SPART: variants seen among roughly 807,000 people sequenced by gnomAD.
The protein encoded by SPART is spastic paraplegia 20 (Troyer syndrome).
Under a neutral mutation model 58.7 loss-of-function variants are expected in SPART, and 35 were observed. The ratio of observed to expected loss-of-function variants is 0.60; its 90% CI spans 0.46 to 0.79. SPART has a LOEUF of 0.79. Among genes scored for constraint, SPART ranks in the 30% least tolerant of loss-of-function variants. The probability of loss-of-function intolerance (pLI) is 0.00; values close to 1 mark genes in which losing one functional copy is unlikely to be tolerated. For missense variants in SPART, 730 were observed against 786.1 expected (o/e 0.93, Z 0.85); for synonymous variants, 284 against 280.7 (o/e 1.01, Z -0.12).
chr13:36,304,549 T>C lies in SPART; in HGVS notation c.1817A>G (p.Asn606Ser). Residue 606 changes from asparagine (N) to serine (S), a missense_variant, in exon 9 of 9, where the codon AAC (asparagine) becomes AGC (serine). Physicochemically the swap from Asn to Ser is conservative, Grantham distance 46. Coordinates refer to ENST00000438666, the MANE Select transcript of SPART (RefSeq NM_015087.5). ...NVGVTAYNIN[N>S]IGIKAMVKKT... ...CTTCACCATTGCTTTGATACCAATG[T>C]TGTTAATATTGTAGGCAGTTACGCC... 2 of 1,614,124 alleles carry C rather than the reference T, an allele frequency of 1.2e-6. No individual in the cohort carries two copies. Among genetic ancestry groups the C allele is most frequent in the South Asian group, 1.1e-5 (1 of 91,080 alleles).
intron 5 of SPART, among the ~76,000 whole-genome samples, chr13:36,321,076 G>C (rs1474079848): frequency 6.6e-6 from 1 of 152,106 alleles, no homozygotes; most frequent in Non-Finnish European, 1.5e-5. Context: ...AATGCTACAG[G>C]GTACAGCCCA....
chr13:36,308,794 A>G (rs772578375), intron 8 of SPART, among the ~76,000 whole-genome samples: 8 of 152,224 alleles, frequency 5.3e-5, no homozygotes, highest in Non-Finnish European at 1.0e-4. Flanking sequence ...TTTTCTAATT[A>G]TGACTGATCC....
At chr13:36,367,330 C>A (rs1452305499) in intron 1 of SPART, among the ~76,000 whole-genome samples, 1 of 152,142 alleles carries the variant, frequency 6.6e-6, no homozygotes, top group Non-Finnish European at 1.5e-5. Flanking sequence ...AATCATGGCA[C>A]CCTGCACTTG....
chr13:36,346,037 C>G (rs1165770210), intron 1 of SPART, among the ~76,000 whole-genome samples, 188 bp downstream of exon 1: 1 of 152,220 alleles, frequency 6.6e-6, no homozygotes, highest in East Asian at 1.9e-4. Context: ...ACTTCTCAAA[C>G]TATTCTCTCT....
intron 5 of SPART, among the ~76,000 whole-genome samples, chr13:36,319,069 T>G (rs1260715990): frequency 2.0e-5 from 3 of 152,188 alleles, no homozygotes; most frequent in African/African-American, 4.8e-5. Context: ...CCTGTTTCCC[T>G]TGCCTCCATA....
chr13:36,344,601 T>C (rs1306320972), intron 1 of SPART, among the ~76,000 whole-genome samples: 4 of 152,206 alleles, frequency 2.6e-5, no homozygotes, highest in African/African-American at 9.7e-5. Context: ...TTTTATTTTG[T>C]GACTGGGATT....
upstream of SPART, among the ~76,000 whole-genome samples, chr13:36,347,314 G>A (rs1885209805): frequency 6.6e-6 from 1 of 152,088 alleles, no homozygotes; most frequent in Admixed American, 6.6e-5. Context: ...TGCTTCCCAG[G>A]TTCAAGCGAC....
At chr13:36,311,806 C>T (rs561615961) in intron 8 of SPART, among the ~76,000 whole-genome samples, 9 of 152,144 alleles carry the variant, frequency 5.9e-5, no homozygotes, top group African/African-American at 1.2e-4. Flanking sequence ...AGATTTAGTC[C>T]GCCAGGCATG....
chr13:36,319,387 A>T (rs1882116787), intron 5 of SPART, among the ~76,000 whole-genome samples: 1 of 147,602 alleles, frequency 6.8e-6, no homozygotes, highest in Non-Finnish European at 1.5e-5. Flanking sequence ...TGCACCCCTT[A>T]CCATCTCATT....
intron 1 of SPART, among the ~76,000 whole-genome samples, chr13:36,339,627 C>CAA (rs71084420): frequency 0.087 from 3,365 of 38,894 alleles, 408 homozygotes; most frequent in Middle Eastern, 0.15. Context: ...ACGACTCCAT[C>CAA]AAAAAAAAAA....
chr13:36,356,918 T>G (rs1425168869), intron 1 of SPART, among the ~76,000 whole-genome samples: 2 of 83,800 alleles, frequency 2.4e-5, no homozygotes, highest in Non-Finnish European at 5.7e-5. Context: ...TTAAAAGTGC[T>G]TTATTTCAAG....
intron 5 of SPART, among the ~76,000 whole-genome samples, chr13:36,317,540 T>G (rs1177903578): frequency 6.6e-6 from 1 of 151,412 alleles, no homozygotes; most frequent in East Asian, 2.0e-4. Flanking sequence ...ACCCCTTATT[T>G]CCATGCCCTG....
intron 8 of SPART, among the ~76,000 whole-genome samples, chr13:36,308,924 T>G (rs894931223): frequency 2.0e-5 from 3 of 152,148 alleles, no homozygotes; most frequent in African/African-American, 7.2e-5. Context: ...AGATCTATTG[T>G]ATGTTTTATC....
chr13:36,347,742 C>T (rs779972909), upstream of SPART, among the ~76,000 whole-genome samples: 6 of 152,180 alleles, frequency 3.9e-5, no homozygotes, highest in Non-Finnish European at 8.8e-5. Flanking sequence ...ATCACAATTT[C>T]TCATCTGACT....
chr13:36,313,917 G>A (rs1041137), intron 6 of SPART: 376,193 of 378,640 alleles, frequency 0.99, 186,921 homozygotes, highest in East Asian at 1. Context: ...CAACACATCA[G>A]AACAACCCTT....
rs1880009704 is a variant in SPART, at chr13:36,301,787, TA to T, written c.*2577del. 1 of 152,154 alleles carries T rather than the reference TA, an allele frequency of 6.6e-6. No homozygotes were observed. The highest frequency in any genetic ancestry group is 2.1e-4 in the South Asian group (1 of 4,830). 9.4% of individuals were successfully genotyped at this position (152,154 alleles called of 1,614,324 possible). A position where few individuals can be genotyped will look rare whatever the true frequency, so the allele number is the denominator to read the frequency against. ...AAGCCAACAACTCCACTCTTACGCA[TA>T]AAGTCTCTTGCATATGTGTACCAGG... On this transcript the variant is annotated 3_prime_UTR_variant, in exon 9 of 9. Transcript: ENST00000438666.
intron 1 of SPART, among the ~76,000 whole-genome samples, chr13:36,344,016 G>C (rs535865386): frequency 4.9e-5 from 7 of 143,620 alleles, no homozygotes; most frequent in African/African-American, 1.8e-4. Flanking sequence ...CTGGGTGACA[G>C]AGCAAGACCT....
intron 1 of SPART, among the ~76,000 whole-genome samples, chr13:36,354,604 G>A (rs1885550339): frequency 6.6e-6 from 1 of 152,218 alleles, no homozygotes; most frequent in South Asian, 2.1e-4. Context: ...ACTCCACTGA[G>A]AGAGGATATG....
chr13:36,312,658 G>T, intron 6 of SPART, 181 bp from the exon 7 acceptor site: 1 of 678,980 alleles, frequency 1.5e-6, no homozygotes, highest in Non-Finnish European at 2.5e-6. Flanking sequence ...GGCTGGCCTT[G>T]ACTTGTACTC....
Sources: gnomAD v4.1 joint callset for allele counts (sites outside exome capture counted in the v4.1 genomes callset) on GRCh38, gnomAD v4.1.1 for gene constraint, MANE v1.5 for transcripts, NCBI Gene and HGNC (gene_info 2026-07-23, HGNC 2026-07-21) for gene names.